Variants in AMN1 observed in about 807,000 individuals in gnomAD.
The protein encoded by AMN1 is protein AMN1 homolog.
A neutral mutation model predicts 33.0 loss-of-function variants in AMN1; 20 were observed. The observed-to-expected ratio is 0.61, with a 90% CI of 0.43 to 0.88. The LOEUF is 0.88. Among genes scored for constraint, AMN1 ranks in the 40% least tolerant of loss-of-function variants. AMN1 has a pLI of 0.00. For synonymous variants in AMN1, 114 were observed against 111.9 expected, an observed-to-expected ratio of 1.02 and a Z score of -0.12; for missense variants, 246 against 307.4, an observed-to-expected ratio of 0.80 and a Z score of 1.49.
chr12:31,719,372 C>A (rs1473667157), intron 1 of AMN1: 1 of 969,218 alleles, frequency 1.0e-6, no homozygotes, highest in Non-Finnish European at 1.2e-6. Flanking sequence ...ATCAGAAAAG[C>A]AAATTTTTCA....
At chr12:31,675,833 C>A (rs1284371832) in intron 6 of AMN1, among the ~76,000 whole-genome samples, 1 of 151,532 alleles carries the variant, frequency 6.6e-6, no homozygotes, top group Non-Finnish European at 1.5e-5. Context: ...CCATTTCTAT[C>A]CAACATAGAA....
chr12:31,710,221 C>T lies in AMN1; in HGVS notation c.39-796G>A, dbSNP rs572564277. Among the ~76,000 whole-genome samples the T allele has an allele frequency of 1.3e-4, 20 of 152,248 alleles. No homozygotes were observed. The South Asian group carries it at 3.9e-3, about 30-fold the overall frequency. ...AAACTCAGTGCCAGGGTTGTATAGG[C>T]AGAAAGTAGAGTTATCAGGCAACAA... is the stretch of plus-strand genomic sequence containing the variant. On this transcript the variant is annotated intron_variant, in intron 1 of 6. Coordinates refer to ENST00000281471, the MANE Select transcript of AMN1 (RefSeq NM_001113402.2).
rs1182271501 is a variant in AMN1, at chr12:31,674,019, T to G, written c.704-1642A>C. ...TTTTAGAGGAAAGTCTTATCTTTTT[T>G]TTTTTTTGGAGGCTCTACAGGGGAA... On this transcript the variant is annotated intron_variant, in intron 6 of 6. Coordinates refer to ENST00000281471, the MANE Select transcript of AMN1 (RefSeq NM_001113402.2). 3.9e-5 allele frequency among the ~76,000 whole-genome samples: 6 copies of G among 152,192 alleles called. No homozygotes were observed. In the South Asian group the frequency reaches 1.2e-3, roughly 32 times the overall value.
intron 6 of AMN1, among the ~76,000 whole-genome samples, chr12:31,677,203 G>C (rs935645641): frequency 6.6e-6 from 1 of 152,208 alleles, no homozygotes; most frequent in Non-Finnish European, 1.5e-5. Context: ...GGGAGGCTGA[G>C]GCAGGAGAAT....
In AMN1 at chr12:31,729,001, C is replaced by A; in HGVS notation, c.8G>T (p.Arg3Leu). 1 of 1,544,880 alleles carries A rather than the reference C, an allele frequency of 6.5e-7. No homozygotes were observed. Among genetic ancestry groups the A allele is most frequent in the East Asian group, 2.5e-5 (1 of 40,674 alleles). MPRPRRVSQLLDL... is the reference protein window; with the variant it reads MPLPRRVSQLLDL... ...CAGGAGCTGACTGACCCGCCGTGGGCGAGGCATCGCTGCAGCGTCTGAAGC... is the reference window on the plus strand; with the variant it reads ...CAGGAGCTGACTGACCCGCCGTGGGAGAGGCATCGCTGCAGCGTCTGAAGC... The change falls in exon 1 of 7, where the codon CGC becomes CTC. Residue 3 changes from arginine to leucine, a missense_variant. Arg to Leu is a moderately radical substitution (Grantham distance 102). Coordinates refer to ENST00000281471, the MANE Select transcript of AMN1 (RefSeq NM_001113402.2).
intron 5 of AMN1, among the ~76,000 whole-genome samples, chr12:31,693,641 C>T (rs1265591149): frequency 6.6e-6 from 1 of 151,674 alleles, no homozygotes; most frequent in Non-Finnish European, 1.5e-5. Context: ...CTCTTGGGTT[C>T]AAGCAATTCT....
intron 6 of AMN1, among the ~76,000 whole-genome samples, chr12:31,674,743 G>A (rs1311618381): frequency 6.6e-6 from 1 of 152,070 alleles, no homozygotes; most frequent in Non-Finnish European, 1.5e-5. Context: ...AATTGGCTGG[G>A]TACGGTGGCT....
chr12:31,673,257 GA>G (rs765261991), intron 6 of AMN1: 1,423 of 118,404 alleles, frequency 0.012, 21 homozygotes, highest in African/African-American at 0.039. Context: ...CAGACCAGTA[GA>G]AAAAAAAAAA....
chr12:31,727,483 T>C (rs1056673691), intron 1 of AMN1, among the ~76,000 whole-genome samples: 1 of 152,220 alleles, frequency 6.6e-6, no homozygotes, highest in African/African-American at 2.4e-5. Flanking sequence ...ATTCATATTG[T>C]ATCTTCCATT....
chr12:31,672,907 T>A (rs1951312301), intron 6 of AMN1: 1 of 153,974 alleles, frequency 6.5e-6, no homozygotes, highest in East Asian at 1.9e-4. Flanking sequence ...AGCTGAACAT[T>A]TTTCCATGTC....
intron 2 of AMN1, chr12:31,708,696 C>A (rs1052952889): frequency 1.2e-5 from 2 of 168,756 alleles, no homozygotes; most frequent in African/African-American, 2.4e-5. Context: ...TATGTGATGT[C>A]ACCCCCGGCG....
intron 1 of AMN1, 79 bp downstream of exon 1, chr12:31,728,892 A>C (rs930833014): frequency 2.1e-6 from 3 of 1,444,764 alleles, no homozygotes; most frequent in Non-Finnish European, 2.8e-6. Flanking sequence ...AGGGGCGGGG[A>C]GGAAGAGCAG....
chr12:31,688,147 T>TA (rs1356532002), intron 6 of AMN1, among the ~76,000 whole-genome samples: 1 of 152,084 alleles, frequency 6.6e-6, no homozygotes, highest in Non-Finnish European at 1.5e-5. Context: ...AGAGATGGGG[T>TA]ATCTTCATGT....
chr12:31,695,669 T>C (rs1053673727), intron 5 of AMN1, among the ~76,000 whole-genome samples: 1 of 151,754 alleles, frequency 6.6e-6, no homozygotes, highest in African/African-American at 2.4e-5. Context: ...GTATTTTTAG[T>C]AGAGATGGGG....
At chr12:31,689,322 T>A (rs1297034544) in intron 5 of AMN1, among the ~76,000 whole-genome samples, 1 of 152,302 alleles carries the variant, frequency 6.6e-6, no homozygotes, top group Admixed American at 6.5e-5. Flanking sequence ...TATAAAGTAA[T>A]GTGTAATAGC....
chr12:31,689,208 AG>A (rs1771388867), intron 5 of AMN1, 90 bp from the exon 6 acceptor site: 1 of 865,498 alleles, frequency 1.2e-6, no homozygotes, highest in African/African-American at 1.7e-5. Flanking sequence ...TGATACAAAA[AG>A]AACCAGATAT....
chr12:31,712,094 C>T lies in AMN1; in HGVS notation c.39-2669G>A, dbSNP rs1295716904. 7.3e-5 allele frequency among the ~76,000 whole-genome samples: 11 copies of T among 151,538 alleles called. No individual in the cohort carries two copies. The East Asian group carries it at 1.7e-3, about 24-fold the overall frequency. Reference sequence around the variant, plus strand: ...CCTCCTTCCCTACCTCCCTCTCTCCCGAGATGGGGTCTTGCTCTGTTGCCT... The same window carrying T: ...CCTCCTTCCCTACCTCCCTCTCTCCTGAGATGGGGTCTTGCTCTGTTGCCT... On this transcript the variant is annotated intron_variant, in intron 1 of 6. Coordinates refer to ENST00000281471, the MANE Select transcript of AMN1 (RefSeq NM_001113402.2).
At chr12:31,690,801 TAAATA>T (rs931360558) in intron 5 of AMN1, among the ~76,000 whole-genome samples, 3 of 152,182 alleles carry the variant, frequency 2.0e-5, no homozygotes, top group African/African-American at 7.2e-5. Context: ...GGTAAAATTA[TAAATA>T]AATTATGGCA....
chr12:31,699,418 A>AAAAAAAAG (rs1555187641), intron 3 of AMN1, among the ~76,000 whole-genome samples: 1 of 149,490 alleles, frequency 6.7e-6, no homozygotes. Flanking sequence ...AAAAAAAAAA[A>AAAAAAAAG]AAAGAAAGAA....
Sources: gnomAD v4.1 joint callset for allele counts (sites outside exome capture counted in the v4.1 genomes callset) on GRCh38, gnomAD v4.1.1 for gene constraint, MANE v1.5 for transcripts, NCBI Gene and HGNC (gene_info 2026-07-23, HGNC 2026-07-21) for gene names.